Variants in LNPEP observed in about 807,000 individuals in gnomAD.
LNPEP encodes the protein leucyl-cystinyl aminopeptidase.
LNPEP carries 64 observed loss-of-function variants against 120.6 expected under a neutral mutation model. The observed-to-expected ratio is 0.53, with a 90% CI of 0.43 to 0.65. The LOEUF (loss-of-function observed/expected upper bound fraction) is 0.65. Ranked by LOEUF, LNPEP falls within the 30% of genes least tolerant of loss-of-function variation. The probability of loss-of-function intolerance (pLI) is 0.00; values close to 1 mark genes in which losing one functional copy is unlikely to be tolerated. For synonymous variants in LNPEP, 435 were observed against 425.4 expected, an observed-to-expected ratio of 1.02 and a Z score of -0.28; for missense variants, 1,057 against 1,200.0, an observed-to-expected ratio of 0.88 and a Z score of 1.76.
intron 15 of LNPEP, 37 bp from the exon 16 acceptor site, chr5:97,026,577 GAAT>G: frequency 6.4e-7 from 1 of 1,553,744 alleles, no homozygotes; most frequent in Non-Finnish European, 8.8e-7. Flanking sequence ...ACTTCTTCAT[GAAT>G]AATAATTTTG....
chr5:97,016,445 C>T (rs1172871496), intron 13 of LNPEP, among the ~76,000 whole-genome samples: 12 of 152,086 alleles, frequency 7.9e-5, no homozygotes, highest in Non-Finnish European at 4.4e-5. Context: ...ATTAAATAAA[C>T]GAGGAGACGG....
chr5:96,980,484 A>G (rs1201956560), intron 2 of LNPEP, among the ~76,000 whole-genome samples: 1 of 152,076 alleles, frequency 6.6e-6, no homozygotes, highest in African/African-American at 2.4e-5. Flanking sequence ...TCTATTTTGG[A>G]TTTCTGGTGT....
intron 1 of LNPEP, among the ~76,000 whole-genome samples, chr5:96,945,223 C>A (rs1245176460): frequency 6.8e-6 from 1 of 148,020 alleles, no homozygotes; most frequent in East Asian, 2.0e-4. Context: ...ATAGTGAGAG[C>A]CTGTCTCTAC....
At chr5:96,988,673 A>C (rs1790302760) in intron 4 of LNPEP, among the ~76,000 whole-genome samples, 1 of 151,988 alleles carries the variant, frequency 6.6e-6, no homozygotes, top group African/African-American at 2.4e-5. Flanking sequence ...TACATGGTGC[A>C]ATCATAGCTC....
chr5:96,979,466 T>C lies in LNPEP; in HGVS notation c.348T>C (p.Phe116=), dbSNP rs1359770017. The C allele has an allele frequency of 6.2e-7, 1 of 1,614,120 alleles. No individual in the cohort carries two copies. Among genetic ancestry groups the C allele is most frequent in the Non-Finnish European group, 8.5e-7 (1 of 1,179,962 alleles). Residue 116 remains phenylalanine (F), a synonymous_variant, in exon 2 of 18, where the codon TTT becomes TTC. Coordinates refer to ENST00000231368, the MANE Select transcript of LNPEP (RefSeq NM_005575.3). The part of the protein sequence containing the change: ...PSARTMVVCA[F]VIVVAVSVIM... Reference sequence around the variant, plus strand: ...CAAGGACCATGGTGGTCTGTGCTTTTGTCATCGTGGTTGCTGTTTCTGTAA... The same window carrying C: ...CAAGGACCATGGTGGTCTGTGCTTTCGTCATCGTGGTTGCTGTTTCTGTAA...
chr5:97,021,917 T>C (rs934275203), intron 13 of LNPEP, among the ~76,000 whole-genome samples: 140 of 132,032 alleles, frequency 1.1e-3, no homozygotes, highest in Non-Finnish European at 3.6e-4. Context: ...TTGTTTTTTG[T>C]CTTTTGTTTT....
intron 8 of LNPEP, among the ~76,000 whole-genome samples, chr5:97,000,687 C>G (rs1790628544): frequency 6.6e-6 from 1 of 152,156 alleles, no homozygotes; most frequent in Non-Finnish European, 1.5e-5. Context: ...TGGGAGAGGA[C>G]TTGGAAGTTT....
intron 11 of LNPEP, among the ~76,000 whole-genome samples, chr5:97,008,735 G>T (rs1250712669): frequency 7.2e-6 from 1 of 139,478 alleles, no homozygotes; most frequent in Non-Finnish European, 1.5e-5. Flanking sequence ...CGCGATCTCA[G>T]CTCACTGCAA....
chr5:96,936,324 G>C (rs1441558117), intron 1 of LNPEP, 150 bp downstream of exon 1: 2 of 578,782 alleles, frequency 3.5e-6, no homozygotes, highest in African/African-American at 3.9e-5. Flanking sequence ...AGGGGATCTG[G>C]GGGAGGCAGG....
chr5:96,956,778 C>T (rs1307281721), intron 1 of LNPEP, among the ~76,000 whole-genome samples: 2 of 152,078 alleles, frequency 1.3e-5, no homozygotes, highest in African/African-American at 4.8e-5. Context: ...ATGTTTTAGT[C>T]CTTTTGATAT....
rs1230365999 is a variant in LNPEP, at chr5:97,037,288, C to G, written c.*8755C>G. On this transcript the variant is annotated 3_prime_UTR_variant, in exon 18 of 18. Transcript: ENST00000231368. ...TGAGTCTGAGCTTGTGGGTGGAATT[C>G]TAAATTTGTATCATAATCTGTCTTT... The G allele has an allele frequency of 2.0e-5, 3 of 152,052 alleles. No homozygotes were observed. The highest frequency in any genetic ancestry group is 4.8e-5 in the African/African-American group (2 of 41,400). The allele number at this position is 152,052 out of a possible 1,614,324, so 9.4% of individuals were successfully genotyped here. A position where few individuals can be genotyped will look rare whatever the true frequency, so the allele number is the denominator to read the frequency against.
chr5:97,019,744 A>G (rs38031), intron 13 of LNPEP, among the ~76,000 whole-genome samples: 95,579 of 151,828 alleles, frequency 0.63, 30,249 homozygotes, highest in Middle Eastern at 0.73. Context: ...TTTTTAAATA[A>G]GATTTCAAGC....
intron 2 of LNPEP, among the ~76,000 whole-genome samples, chr5:96,981,178 A>G (rs1254837135): frequency 5.3e-5 from 8 of 152,190 alleles, no homozygotes; most frequent in African/African-American, 1.7e-4. Context: ...CATACCTCAG[A>G]GAAGAAAAAT....
At chr5:96,998,236 A>G (rs1790562819) in intron 8 of LNPEP, 91 bp downstream of exon 8, 17 of 1,014,540 alleles carry the variant, frequency 1.7e-5, no homozygotes, top group Non-Finnish European at 2.4e-5. Context: ...GATTATTTTA[A>G]AGATTAAATG....
At chr5:96,954,639 T>TACATATATAC (rs1369890906) in intron 1 of LNPEP, among the ~76,000 whole-genome samples, 4 of 129,788 alleles carry the variant, frequency 3.1e-5, no homozygotes, top group South Asian at 2.4e-4. Context: ...TATACATATA[T>TACATATATAC]ACATATATAC....
chr5:96,950,739 AAAAC>A (rs1403391504), intron 1 of LNPEP, among the ~76,000 whole-genome samples: 1 of 152,218 alleles, frequency 6.6e-6, no homozygotes, highest in Non-Finnish European at 1.5e-5. Context: ...CATTTTGAGG[AAAAC>A]AAACCTAAAC....
At position 96,989,331 on chromosome 5, in the gene LNPEP, T is replaced by TATATATA. The variant is rs1399610346; in HGVS notation, c.1131+2675_1131+2681dup. Among the ~76,000 whole-genome samples, 6 of 22,334 alleles carry TATATATA rather than the reference T, an allele frequency of 2.7e-4. No homozygotes were observed. The South Asian group carries it at 8.7e-3, about 32-fold the overall frequency. The allele number at this position is 22,334 out of a possible 152,430, so 14.7% of individuals were successfully genotyped here. A position where few individuals can be genotyped will look rare whatever the true frequency, so the allele number is the denominator to read the frequency against. ...TTGTATATTATATATAATATATAAT[T>TATATATA]ATATATAATATATAATATATTATAT... is the stretch of plus-strand genomic sequence containing the variant. On this transcript the variant is annotated intron_variant, in intron 4 of 17. Transcript: ENST00000231368.
intron 1 of LNPEP, among the ~76,000 whole-genome samples, chr5:96,949,316 T>C (rs957135547): frequency 1.3e-5 from 2 of 152,338 alleles, no homozygotes; most frequent in Non-Finnish European, 2.9e-5. Flanking sequence ...TGGGCGCCTC[T>C]CCTGTCAGAT....
chr5:96,954,882 A>T (rs1789425962), intron 1 of LNPEP, among the ~76,000 whole-genome samples: 1 of 137,682 alleles, frequency 7.3e-6, no homozygotes, highest in Non-Finnish European at 1.5e-5. Flanking sequence ...TCCTGGGTTC[A>T]TGCCATTCTC....
Sources: gnomAD v4.1 joint callset for allele counts (sites outside exome capture counted in the v4.1 genomes callset) on GRCh38, gnomAD v4.1.1 for gene constraint, MANE v1.5 for transcripts, NCBI Gene and HGNC (gene_info 2026-07-23, HGNC 2026-07-21) for gene names.